The following PRR16 variants were observed in gnomAD, a reference collection of about 807,000 sequenced individuals.
The protein encoded by PRR16 is protein Largen.
PRR16 carries 6 observed loss-of-function variants against 18.2 expected under a neutral mutation model. The observed-to-expected ratio is 0.33, with a 90% CI of 0.18 to 0.65. PRR16 has a LOEUF of 0.65. Among genes scored for constraint, PRR16 ranks in the 30% least tolerant of loss-of-function variants. PRR16 has a pLI of 0.74. For synonymous variants in PRR16, 151 were observed against 147.8 expected (o/e 1.02, Z -0.16); for missense variants, 412 against 376.6 (o/e 1.09, Z -0.78).
intron 1 of PRR16, 65 bp from the exon 2 acceptor site, chr5:120,685,889 A>G (rs1277807082): frequency 6.8e-7 from 1 of 1,473,214 alleles, no homozygotes; most frequent in African/African-American, 1.4e-5. Context: ...AGACAAAAAT[A>G]AATTGTTTCT....
At position 120,468,834 on chromosome 5, in the gene PRR16, G is replaced by A. The variant is rs554693147; in HGVS notation, c.159+4189G>A. Among the ~76,000 whole-genome samples, 85 of 152,288 alleles carry A rather than the reference G, an allele frequency of 5.6e-4. 1 individual carries two copies. In the East Asian group the frequency reaches 0.016, roughly 28 times the overall value. On this transcript the variant is annotated intron_variant, in intron 1 of 1. Transcript: ENST00000407149. ...CTTGTTATAACCTTGAGCTTTTCTTGTAGTGTTTATTTTTATGATTTCAAG... is the reference window on the plus strand; with the variant it reads ...CTTGTTATAACCTTGAGCTTTTCTTATAGTGTTTATTTTTATGATTTCAAG...
the PRR16 span, among the ~76,000 whole-genome samples, chr5:120,787,810 C>T: frequency 6.6e-6 from 1 of 151,974 alleles, no homozygotes; most frequent in Middle Eastern, 3.2e-3. Flanking sequence ...CTTCTAGGCA[C>T]GCTCCTCATC....
At chr5:120,628,666 CCTATCTAT>C (rs201190978) in intron 1 of PRR16, among the ~76,000 whole-genome samples, 15,093 of 136,436 alleles carry the variant, frequency 0.11, 1,028 homozygotes, top group South Asian at 0.16. Context: ...TATCTACCTA[CCTATCTAT>C]CTATCTATCT....
At chr5:120,503,140 G>C (rs1750522721) in intron 1 of PRR16, among the ~76,000 whole-genome samples, 1 of 152,046 alleles carries the variant, frequency 6.6e-6, no homozygotes, top group African/African-American at 2.4e-5. Flanking sequence ...GAATAAATTA[G>C]TAAATATGAG....
At chr5:120,758,849 T>A in the PRR16 span, among the ~76,000 whole-genome samples, 1 of 152,136 alleles carries the variant, frequency 6.6e-6, no homozygotes, top group African/African-American at 2.4e-5. Context: ...AATATATTTG[T>A]CTATCAGTTA....
chr5:120,608,502 A>C (rs901572127), intron 1 of PRR16, among the ~76,000 whole-genome samples: 2 of 152,196 alleles, frequency 1.3e-5, no homozygotes, highest in Non-Finnish European at 2.9e-5. Flanking sequence ...AAATATAGAC[A>C]TGTTCACAAG....
intron 1 of PRR16, among the ~76,000 whole-genome samples, chr5:120,649,537 G>A (rs965268771): frequency 6.6e-6 from 1 of 152,046 alleles, no homozygotes; most frequent in African/African-American, 2.4e-5. Context: ...ATGATAACTG[G>A]GTTTAAGCAT....
the PRR16 span, among the ~76,000 whole-genome samples, chr5:120,791,942 G>C: frequency 1.3e-5 from 2 of 152,072 alleles, no homozygotes; most frequent in African/African-American, 4.8e-5. Context: ...CCTCTGAAAA[G>C]TAATATATTG....
At chr5:120,510,909 A>G (rs1351708776) in intron 1 of PRR16, among the ~76,000 whole-genome samples, 1 of 152,190 alleles carries the variant, frequency 6.6e-6, no homozygotes, top group Non-Finnish European at 1.5e-5. Flanking sequence ...GGCTTGCCTC[A>G]TCCCTACTTG....
At chr5:120,715,649 T>C in the PRR16 span, among the ~76,000 whole-genome samples, 1 of 152,220 alleles carries the variant, frequency 6.6e-6, no homozygotes, top group Admixed American at 6.5e-5. Flanking sequence ...CTGATTATCA[T>C]GTTAAAACAA....
the PRR16 span, among the ~76,000 whole-genome samples, chr5:120,730,398 G>C: frequency 3.3e-5 from 5 of 152,098 alleles, no homozygotes; most frequent in Admixed American, 2.6e-4. Context: ...TCCAGAAATA[G>C]GTGTCCAACT....
the PRR16 span, among the ~76,000 whole-genome samples, chr5:120,727,835 C>T: frequency 6.6e-6 from 1 of 151,870 alleles, no homozygotes; most frequent in Non-Finnish European, 1.5e-5. Context: ...ACTAGTAGAG[C>T]TTCCTATAAG....
At chr5:120,765,957 A>G in the PRR16 span, among the ~76,000 whole-genome samples, 4 of 152,010 alleles carry the variant, frequency 2.6e-5, no homozygotes, top group African/African-American at 4.8e-5. Flanking sequence ...TCACTGCTGT[A>G]TACTACTGTT....
chr5:120,746,566 G>A, the PRR16 span, among the ~76,000 whole-genome samples: 1 of 152,174 alleles, frequency 6.6e-6, no homozygotes, highest in East Asian at 1.9e-4. Flanking sequence ...TCTTTCACAT[G>A]AAACACTGGA....
intron 1 of PRR16, among the ~76,000 whole-genome samples, chr5:120,637,317 G>GAAAAAAAAA (rs372136712): frequency 1.6e-5 from 1 of 62,636 alleles, no homozygotes; most frequent in Non-Finnish European, 2.7e-5. Flanking sequence ...CCATTATACG[G>GAAAAAAAAA]AAAAAAAAAA....
chr5:120,700,132 GTT>G, the PRR16 span, among the ~76,000 whole-genome samples: 2 of 152,216 alleles, frequency 1.3e-5, no homozygotes, highest in Admixed American at 6.5e-5. Flanking sequence ...GAGTATATGG[GTT>G]TGGCACCACG....
chr5:120,776,528 C>T, the PRR16 span, among the ~76,000 whole-genome samples: 41,114 of 151,872 alleles, frequency 0.27, 5,923 homozygotes, highest in Non-Finnish European at 0.32. Context: ...GCTTGGATTT[C>T]AGTTTTCTAA....
chr5:120,495,495 T>C (rs73264171), intron 1 of PRR16, among the ~76,000 whole-genome samples: 2 of 152,116 alleles, frequency 1.3e-5, no homozygotes, highest in Non-Finnish European at 2.9e-5. Flanking sequence ...ACAATATCAC[T>C]TCATTCATGT....
At chr5:120,491,131 C>G (rs1390041655) in intron 1 of PRR16, among the ~76,000 whole-genome samples, 1 of 152,138 alleles carries the variant, frequency 6.6e-6, no homozygotes, top group Non-Finnish European at 1.5e-5. Context: ...TCTGTCCGTT[C>G]TCAGATCTCC....
Sources: allele counts gnomAD v4.1 joint callset (sites outside exome capture counted in the v4.1 genomes callset), GRCh38; gene constraint gnomAD v4.1.1; transcripts MANE v1.5; gene names NCBI Gene and HGNC (gene_info 2026-07-23, HGNC 2026-07-21).